The following SYN3 variants were observed in gnomAD, a reference collection of about 807,000 sequenced individuals.
SYN3 encodes the protein synapsin-3.
In SYN3, 35 loss-of-function variants were observed where a neutral mutation model predicts 65.8. That is an observed-to-expected ratio of 0.53 (90% CI 0.41 to 0.70). The LOEUF (loss-of-function observed/expected upper bound fraction) is 0.70. SYN3 is among the 30% of genes least tolerant of loss of function. The pLI, the probability that SYN3 is intolerant of heterozygous loss-of-function variation, is 0.00. For missense variants in SYN3, 680 were observed against 749.0 expected (o/e 0.91, Z 1.08); for synonymous variants, 270 against 292.9 (o/e 0.92, Z 0.80).
Position 32,719,199 on chromosome 22 carries a change from C to T in SYN3, c.712-122463G>A, listed in dbSNP as rs1325156874. The stretch of plus-strand genomic sequence containing the variant: ...AATTACTCAATATGTCTATTTCTCT[C>T]CTAGAATAGGACTTCACCAACGGTA... On this transcript the variant is annotated intron_variant, in intron 6 of 13. Transcript: ENST00000358763. Among the ~76,000 whole-genome samples the T allele has an allele frequency of 2.6e-5, 4 of 152,156 alleles. 1 individual carries two copies. Among genetic ancestry groups the T allele is most frequent in the Non-Finnish European group, 5.9e-5 (4 of 68,032 alleles).
Position 32,864,994 on chromosome 22 carries a change from A to G in SYN3, c.632T>C (p.Leu211Pro). 5 of 1,613,776 alleles carry G rather than the reference A, an allele frequency of 3.1e-6. No homozygotes were observed. Among genetic ancestry groups the G allele is most frequent in the Non-Finnish European group, 4.2e-6 (5 of 1,179,670 alleles). ...ACCCAGGGAATGGAAGATCTTAATG[A>G]GCTGAGAGAACTAGGATAGAAGAGG... ...FCSKPWVFSQ[L>P]IKIFHSLGPE... is the part of the protein sequence containing the mutation. The change falls in exon 6 of 14, where the codon CTC becomes CCC. Residue 211 changes from leucine (L) to proline (P), a missense_variant. By Grantham distance (98) the Leu-to-Pro change is moderately conservative (BLOSUM62 -3). Coordinates refer to ENST00000358763, the MANE Select transcript of SYN3 (RefSeq NM_003490.4).
chr22:32,943,891 G>A (rs2051021596), intron 3 of SYN3, among the ~76,000 whole-genome samples: 1 of 152,206 alleles, frequency 6.6e-6, no homozygotes, highest in South Asian at 2.1e-4. Flanking sequence ...TCAACAAGAA[G>A]AGCTAACTAT....
At chr22:32,956,041 C>CAA in intron 3 of SYN3, among the ~76,000 whole-genome samples, 1 of 130,678 alleles carries the variant, frequency 7.7e-6, no homozygotes, top group Non-Finnish European at 1.6e-5. Context: ...AATAAATTCA[C>CAA]ATATATATAT....
chr22:32,569,555 C>A (rs990306165), intron 7 of SYN3, among the ~76,000 whole-genome samples: 5 of 109,720 alleles, frequency 4.6e-5, no homozygotes, highest in African/African-American at 1.4e-4. Context: ...CTCTCTCTCT[C>A]TCTCTCTCTC....
chr22:32,625,097 G>A (rs989345171), intron 6 of SYN3, among the ~76,000 whole-genome samples: 4 of 152,090 alleles, frequency 2.6e-5, no homozygotes, highest in Admixed American at 6.6e-5. Flanking sequence ...CTAGTTGGGT[G>A]GATTTTAGAA....
In SYN3 at chr22:32,975,639, G is replaced by C. The variant is rs575578603; in HGVS notation, c.369+5006C>G. On this transcript the variant is annotated intron_variant, in intron 3 of 13. Coordinates refer to ENST00000358763, the MANE Select transcript of SYN3 (RefSeq NM_003490.4). ...TGAGGCTGCAGGAATTGCCACCACC[G>C]ACTCGACTTTATATTGTATTCCTAT... 6.6e-5 allele frequency among the ~76,000 whole-genome samples: 10 copies of C among 152,196 alleles called. No homozygotes were observed. In the South Asian group the frequency reaches 2.1e-3, roughly 32 times the overall value.
At chr22:32,962,506 C>T (rs897117550) in intron 3 of SYN3, among the ~76,000 whole-genome samples, 6 of 152,086 alleles carry the variant, frequency 3.9e-5, no homozygotes, top group Admixed American at 3.9e-4. Context: ...TGAAAAGAAA[C>T]CCAAAGCCAC....
rs78608353 is a variant in SYN3 at position 32,700,952 on chromosome 22, C to G, written c.712-104216G>C. Among the ~76,000 whole-genome samples the G allele has an allele frequency of 1.2e-3, 190 of 152,324 alleles. 2 individuals carry two copies. The East Asian group carries it at 0.031, about 25-fold the overall frequency. On this transcript the variant is annotated intron_variant, in intron 6 of 13. Coordinates refer to ENST00000358763, the MANE Select transcript of SYN3 (RefSeq NM_003490.4). Reference sequence around the variant, plus strand: ...GCTCATTCCAGAAATGGGAATCATCCTCGATAACTACTTCTCCCTCGTTAA... The same window carrying G: ...GCTCATTCCAGAAATGGGAATCATCGTCGATAACTACTTCTCCCTCGTTAA...
intron 7 of SYN3, among the ~76,000 whole-genome samples, chr22:32,569,555 C>CTG (rs1230609085): frequency 2.7e-4 from 30 of 109,718 alleles, no homozygotes; most frequent in African/African-American, 1.0e-3. Context: ...CTCTCTCTCT[C>CTG]TCTCTCTCTC....
chr22:32,744,364 G>A (rs182111483), intron 6 of SYN3, among the ~76,000 whole-genome samples: 10 of 152,266 alleles, frequency 6.6e-5, no homozygotes, highest in African/African-American at 1.9e-4. Flanking sequence ...AATCACCAAC[G>A]GGAAGCGATC....
At chr22:32,938,344 C>T (rs955077293) in intron 3 of SYN3, among the ~76,000 whole-genome samples, 14 of 151,596 alleles carry the variant, frequency 9.2e-5, no homozygotes, top group Admixed American at 5.9e-4. Flanking sequence ...CTGGCAAACA[C>T]GGTGAAACCC....
At chr22:32,847,878 G>A (rs2048113147) in intron 6 of SYN3, among the ~76,000 whole-genome samples, 1 of 152,198 alleles carries the variant, frequency 6.6e-6, no homozygotes, top group Non-Finnish European at 1.5e-5. Context: ...AATTCCTGTT[G>A]AGGTCTTAGC....
At chr22:33,041,438 G>T (rs1007257997) in intron 1 of SYN3, among the ~76,000 whole-genome samples, 1 of 151,854 alleles carries the variant, frequency 6.6e-6, no homozygotes, top group Non-Finnish European at 1.5e-5. Context: ...CTACAGCTGG[G>T]TGCCCGCCAC....
chr22:32,952,169 C>T (rs924490015), intron 3 of SYN3, among the ~76,000 whole-genome samples: 1 of 152,094 alleles, frequency 6.6e-6, no homozygotes, highest in Non-Finnish European at 1.5e-5. Flanking sequence ...GGAAATCTTG[C>T]TCAGTAGAAG....
chr22:32,743,887 G>A (rs962865328), intron 6 of SYN3, among the ~76,000 whole-genome samples: 2 of 152,044 alleles, frequency 1.3e-5, no homozygotes, highest in Admixed American at 6.6e-5. Context: ...GAGGCTACAG[G>A]TGTCATGGAA....
At chr22:32,643,550 G>A (rs372845538) in intron 6 of SYN3, among the ~76,000 whole-genome samples, 2 of 113,876 alleles carry the variant, frequency 1.8e-5, no homozygotes, top group African/African-American at 3.9e-5. Flanking sequence ...TAGAAATGGT[G>A]GGGGGGCGGG....
chr22:32,609,537 CG>C (rs2059414102), intron 6 of SYN3, among the ~76,000 whole-genome samples: 4 of 149,130 alleles, frequency 2.7e-5, no homozygotes. Flanking sequence ...AGTACAGTGG[CG>C]TGGTCGTAGC....
intron 6 of SYN3, among the ~76,000 whole-genome samples, chr22:32,708,311 A>G (rs2060907172): frequency 6.6e-6 from 1 of 152,162 alleles, no homozygotes; most frequent in South Asian, 2.1e-4. Context: ...AAGCTTTATA[A>G]TGGTTTTTAA....
At chr22:32,809,575 G>A (rs959480123) in intron 6 of SYN3, among the ~76,000 whole-genome samples, 1 of 152,070 alleles carries the variant, frequency 6.6e-6, no homozygotes, top group African/African-American at 2.4e-5. Flanking sequence ...TTCTGTGTTT[G>A]GAACAGTTAT....
Sources: gnomAD v4.1 joint callset for allele counts (sites outside exome capture counted in the v4.1 genomes callset) on GRCh38, gnomAD v4.1.1 for gene constraint, MANE v1.5 for transcripts, NCBI Gene and HGNC (gene_info 2026-07-23, HGNC 2026-07-21) for gene names.